CTPS1: variants seen among roughly 807,000 people sequenced by gnomAD.
The protein encoded by CTPS1 is CTP synthase 1.
In CTPS1, 25 loss-of-function variants were observed where a neutral mutation model predicts 80.5. The observed-to-expected ratio is 0.31, with a 90% CI of 0.23 to 0.43. The LOEUF is 0.43. Ranked by LOEUF, CTPS1 falls within the 20% of genes least tolerant of loss-of-function variation. The probability of loss-of-function intolerance (pLI) is 1.00; values close to 1 mark genes in which losing one functional copy is unlikely to be tolerated. For synonymous variants in CTPS1, 267 were observed against 252.5 expected, an observed-to-expected ratio of 1.06 and a Z score of -0.54; for missense variants, 442 against 725.7, an observed-to-expected ratio of 0.61 and a Z score of 4.49.
intron 16 of CTPS1, among the ~76,000 whole-genome samples, chr1:41,009,241 C>G (rs1282090536): frequency 6.6e-6 from 1 of 152,152 alleles, no homozygotes; most frequent in Non-Finnish European, 1.5e-5. Flanking sequence ...AGGCCTTCAG[C>G]CAGGAGGGGA....
At position 40,994,968 on chromosome 1, in the gene CTPS1, C is replaced by T. The variant is rs544308582; in HGVS notation, c.721-949C>T. 1.4e-4 allele frequency among the ~76,000 whole-genome samples: 21 copies of T among 152,280 alleles called. No homozygotes were observed. In the South Asian group the frequency reaches 1.9e-3, roughly 14 times the overall value. ...TGAATTCCACTGTTAAATTTCCTAA[C>T]ACAGTAGTTCTCAAACTTGACTGCA... On this transcript the variant is annotated intron_variant, in intron 7 of 18. Transcript: ENST00000650070.
chr1:40,998,907 A>T (rs1642830269), intron 9 of CTPS1, among the ~76,000 whole-genome samples: 1 of 152,216 alleles, frequency 6.6e-6, no homozygotes, highest in African/African-American at 2.4e-5. Context: ...TTTAAATCCC[A>T]TTACACAGCC....
In CTPS1 at chr1:41,010,150, G is replaced by A. The variant is rs1412216748; in HGVS notation, c.1692-11G>A. On this transcript the variant is annotated splice_polypyrimidine_tract_variant and intron_variant, in intron 17 of 18. Coordinates refer to ENST00000650070, the MANE Select transcript of CTPS1 (RefSeq NM_001905.4). ...GTGGGAGATGATGCGTAAACCATCT[G>A]AATTCTACAGGGACACCTATAGTGA... The A allele has an allele frequency of 6.2e-7, 1 of 1,606,964 alleles. No individual in the cohort carries two copies. Among genetic ancestry groups the A allele is most frequent in the African/African-American group, 1.3e-5 (1 of 74,888 alleles).
chr1:40,996,281 C>T (rs1642749706), intron 8 of CTPS1, among the ~76,000 whole-genome samples: 1 of 152,210 alleles, frequency 6.6e-6, no homozygotes, highest in Non-Finnish European at 1.5e-5. Context: ...AGGCCAGGTG[C>T]CGGGCCTCCA....
intron 7 of CTPS1, among the ~76,000 whole-genome samples, chr1:40,993,636 A>G (rs1386400551): frequency 6.6e-6 from 1 of 152,172 alleles, no homozygotes; most frequent in African/African-American, 2.4e-5. Flanking sequence ...GGCAATGCCC[A>G]GCCTTACTTA....
At chr1:40,993,151 A>G (rs957775414) in intron 7 of CTPS1, among the ~76,000 whole-genome samples, 1 of 152,088 alleles carries the variant, frequency 6.6e-6, no homozygotes, top group Middle Eastern at 3.4e-3. Flanking sequence ...GCTGGGTTCA[A>G]GTGATTCTCC....
At chr1:40,989,863 T>C (rs1642556721) in intron 5 of CTPS1, among the ~76,000 whole-genome samples, 1 of 151,728 alleles carries the variant, frequency 6.6e-6, no homozygotes, top group Non-Finnish European at 1.5e-5. Context: ...AATGAAAAAG[T>C]TAAGAGAAAG....
intron 3 of CTPS1, 51 bp downstream of exon 3, chr1:40,985,042 C>G (rs554198167): frequency 1.5e-6 from 2 of 1,341,136 alleles, no homozygotes; most frequent in African/African-American, 1.5e-5. Flanking sequence ...AGTTTAATTT[C>G]TTCTCCCTCC....
intron 12 of CTPS1, among the ~76,000 whole-genome samples, chr1:41,004,463 T>A (rs377019456): frequency 6.6e-6 from 1 of 152,088 alleles, no homozygotes; most frequent in African/African-American, 2.4e-5. Context: ...GGCTTTCTGG[T>A]CTCCCTGGAT....
At position 40,989,983 on chromosome 1, in the gene CTPS1, T is replaced by C. The variant is rs539094531; in HGVS notation, c.556-1182T>C. On this transcript the variant is annotated intron_variant, in intron 5 of 18. Coordinates refer to ENST00000650070, the MANE Select transcript of CTPS1 (RefSeq NM_001905.4). ...CTCAGAAGTTCTAATGTCCAAATAATAGGAGTTCCAAAAAATAAGAACACA... is the reference window on the plus strand; with the variant it reads ...CTCAGAAGTTCTAATGTCCAAATAACAGGAGTTCCAAAAAATAAGAACACA... Among the ~76,000 whole-genome samples, 8 of 152,204 alleles carry C rather than the reference T, an allele frequency of 5.3e-5. No homozygotes were observed. The South Asian group carries it at 1.0e-3, about 20-fold the overall frequency.
chr1:40,993,762 A>G (rs544371719), intron 7 of CTPS1, among the ~76,000 whole-genome samples: 1 of 114,226 alleles, frequency 8.8e-6, no homozygotes, highest in South Asian at 2.7e-4. Context: ...TTGTCTTTTC[A>G]TTTTCTTCTC....
At position 40,997,545 on chromosome 1, in the gene CTPS1, G is replaced by T; in HGVS notation, c.1005+19G>T. The T allele has an allele frequency of 6.2e-7, 1 of 1,612,716 alleles. No individual in the cohort carries two copies. Among genetic ancestry groups the T allele is most frequent in the Non-Finnish European group, 8.5e-7 (1 of 1,179,336 alleles). On this transcript the variant is annotated intron_variant, in intron 9 of 18. Transcript: ENST00000650070. ...AATCAAGGTAAGGAGGGTGGCACAG[G>T]TACAGCCAAAGGATGAGCAGGGAAG...
rs1466316206 is a variant in CTPS1, at chr1:41,007,175, A to G, written c.1297-274A>G. Among the ~76,000 whole-genome samples, 2 of 152,174 alleles carry G rather than the reference A, an allele frequency of 1.3e-5. No homozygotes were observed. The highest frequency in any genetic ancestry group is 2.4e-5 in the African/African-American group (1 of 41,442). ...CAGTCTTTCTAAGGAAGTGATGCTT[A>G]CCGTCCACAGTGCTGGGGCGGGACT... On this transcript the variant is annotated intron_variant, in intron 13 of 18. Transcript: ENST00000650070. This position sits in a 1 kb window ranked among gnomAD's most constrained non-coding sequence, Gnocchi z 4.4.
At chr1:40,993,859 ATCTCTG>A (rs1642682844) in intron 7 of CTPS1, among the ~76,000 whole-genome samples, 1 of 126,914 alleles carries the variant, frequency 7.9e-6, no homozygotes, top group South Asian at 2.5e-4. Flanking sequence ...GCTCACTGCC[ATCTCTG>A]TCTCCCGTGT....
chr1:41,010,080 G>A (rs1412177632), intron 17 of CTPS1, 81 bp from the exon 18 acceptor site: 1 of 887,140 alleles, frequency 1.1e-6, no homozygotes, highest in Non-Finnish European at 1.8e-6. Context: ...AAGTGTCCCT[G>A]TAGGAACCGT....
intron 8 of CTPS1, 91 bp from the exon 9 acceptor site, chr1:40,997,303 G>A (rs991853722): frequency 1.9e-5 from 28 of 1,456,834 alleles, no homozygotes; most frequent in Admixed American, 1.3e-4. Context: ...CTGGCCAGAC[G>A]TGGTTTTTTT....
intron 1 of CTPS1, chr1:40,981,849 T>G: frequency 5.0e-6 from 2 of 403,400 alleles, no homozygotes; most frequent in Non-Finnish European, 8.4e-6. Context: ...CTGCCAAGTG[T>G]GTTCTTTCTT....
intron 3 of CTPS1, 65 bp downstream of exon 3, chr1:40,985,056 C>CGAGA: frequency 8.7e-7 from 1 of 1,151,236 alleles, no homozygotes; most frequent in Non-Finnish European, 1.2e-6. Context: ...TCCCTCCCAC[C>CGAGA]TCTACACAGA....
At chr1:40,983,754 C>T (rs1420750819) in intron 2 of CTPS1, among the ~76,000 whole-genome samples, 1 of 151,960 alleles carries the variant, frequency 6.6e-6, no homozygotes. Flanking sequence ...TCCTGAGTAG[C>T]TGGGACTACA....
Sources: allele counts gnomAD v4.1 joint callset (sites outside exome capture counted in the v4.1 genomes callset), GRCh38; gene constraint gnomAD v4.1.1; non-coding constraint Gnocchi (gnomAD v3.1); transcripts MANE v1.5; gene names NCBI Gene and HGNC (gene_info 2026-07-23, HGNC 2026-07-21).